PEX5L: variants seen among roughly 807,000 people sequenced by gnomAD.
PEX5L encodes peroxisomal biogenesis factor 5 like.
In PEX5L, 30 loss-of-function variants were observed where a neutral mutation model predicts 84.0. The ratio of observed to expected loss-of-function variants is 0.36; its 90% CI spans 0.27 to 0.48. The LOEUF is 0.48. Among genes scored for constraint, PEX5L ranks in the 20% least tolerant of loss-of-function variants. The pLI, the probability that PEX5L is intolerant of heterozygous loss-of-function variation, is 0.99. For synonymous variants in PEX5L, 270 were observed against 283.1 expected, an observed-to-expected ratio of 0.95 and a Z score of 0.46; for missense variants, 533 against 754.6, an observed-to-expected ratio of 0.71 and a Z score of 3.44.
chr3:180,036,528 C>G, intron 1 of PEX5L, 51 bp downstream of exon 1: 2 of 1,572,604 alleles, frequency 1.3e-6, no homozygotes, highest in Non-Finnish European at 1.8e-6. Flanking sequence ...AACCGCCTTG[C>G]TCTTAAATTA....
chr3:179,972,428 AAAGAT>A (rs1784999294), intron 1 of PEX5L, among the ~76,000 whole-genome samples: 1 of 152,156 alleles, frequency 6.6e-6, no homozygotes, highest in Admixed American at 6.5e-5. Flanking sequence ...GCTACAGCAG[AAAGAT>A]AATATGTCTG....
chr3:179,943,636 T>C lies in PEX5L; in HGVS notation c.93+27958A>G, dbSNP rs372820318. Among the ~76,000 whole-genome samples, 93 of 152,286 alleles carry C rather than the reference T, an allele frequency of 6.1e-4. No individual in the cohort carries two copies. The East Asian group carries it at 0.012, about 19-fold the overall frequency. ...CTGCATTCTGTGTGCAATGTTTTAT[T>C]CCACCACGTGGAGAATCACAATAAG... On this transcript the variant is annotated intron_variant, in intron 2 of 14. Transcript: ENST00000467460.
At chr3:179,966,836 C>T (rs1186749073) in intron 2 of PEX5L, among the ~76,000 whole-genome samples, 1 of 152,162 alleles carries the variant, frequency 6.6e-6, no homozygotes, top group Non-Finnish European at 1.5e-5. Flanking sequence ...GAAAATGAGA[C>T]TCTCAAAAAG....
intron 2 of PEX5L, 113 bp downstream of exon 2, chr3:179,971,481 G>T (rs1784724690): frequency 2.3e-6 from 3 of 1,319,572 alleles, no homozygotes; most frequent in Non-Finnish European, 2.9e-6. Flanking sequence ...TGTTATGCAG[G>T]CTTTAGTCAG....
At chr3:179,994,709 G>A (rs1787696487) in intron 1 of PEX5L, among the ~76,000 whole-genome samples, 2 of 152,156 alleles carry the variant, frequency 1.3e-5, no homozygotes, top group Non-Finnish European at 2.9e-5. Context: ...AGATTAACAT[G>A]TGAGTCAGTG....
At chr3:179,815,702 G>A (rs1388412603) in intron 10 of PEX5L, among the ~76,000 whole-genome samples, 159 bp downstream of exon 10, 1 of 152,172 alleles carries the variant, frequency 6.6e-6, no homozygotes, top group African/African-American at 2.4e-5. Flanking sequence ...GTTAGAAAAC[G>A]GGTACTTATT....
chr3:180,030,672 G>C (rs934304361), intron 1 of PEX5L, among the ~76,000 whole-genome samples: 2 of 152,112 alleles, frequency 1.3e-5, no homozygotes, highest in Admixed American at 6.6e-5. Context: ...TGACTCCCTA[G>C]GTAGATTTCT....
At chr3:180,030,780 T>G (rs966217402) in intron 1 of PEX5L, among the ~76,000 whole-genome samples, 1 of 152,194 alleles carries the variant, frequency 6.6e-6, no homozygotes, top group African/African-American at 2.4e-5. Context: ...ACATCAAGTC[T>G]CACTTGCAGG....
rs541414662 is a variant in PEX5L, at chr3:180,001,005, T to C, written c.22-29340A>G. The stretch of plus-strand genomic sequence containing the variant: ...GATCCTGGGTGTGTCTATGAGGGTG[T>C]TGCCAAAGGAGATTAACATTTGAGT... On this transcript the variant is annotated intron_variant, in intron 1 of 14. Coordinates refer to ENST00000467460, the MANE Select transcript of PEX5L (RefSeq NM_016559.3). 2.0e-5 allele frequency among the ~76,000 whole-genome samples: 3 copies of C among 152,198 alleles called. No individual in the cohort carries two copies. In the South Asian group the frequency reaches 6.2e-4, roughly 32 times the overall value.
intron 1 of PEX5L, among the ~76,000 whole-genome samples, chr3:180,033,099 T>C (rs1301938319): frequency 1.3e-5 from 2 of 152,212 alleles, no homozygotes; most frequent in African/African-American, 2.4e-5. Flanking sequence ...TAACTTAAAT[T>C]ACCTAAGCTA....
chr3:179,922,586 T>C (rs1398439977), intron 2 of PEX5L, among the ~76,000 whole-genome samples: 8 of 151,904 alleles, frequency 5.3e-5, no homozygotes, highest in Non-Finnish European at 8.8e-5. Flanking sequence ...GTAGCTGGGA[T>C]TACAGGCACG....
At chr3:179,975,694 T>A (rs1785694747) in intron 1 of PEX5L, among the ~76,000 whole-genome samples, 1 of 152,238 alleles carries the variant, frequency 6.6e-6, no homozygotes, top group African/African-American at 2.4e-5. Flanking sequence ...TTCATGGTTG[T>A]CAGGATTCAG....
chr3:179,903,252 G>A (rs1310701348), intron 2 of PEX5L, among the ~76,000 whole-genome samples: 1 of 151,798 alleles, frequency 6.6e-6, no homozygotes, highest in Non-Finnish European at 1.5e-5. Flanking sequence ...ACAGTGTCTC[G>A]CTCTGTCACC....
chr3:179,899,334 T>C (rs948921533), intron 2 of PEX5L, among the ~76,000 whole-genome samples: 1 of 152,148 alleles, frequency 6.6e-6, no homozygotes, highest in African/African-American at 2.4e-5. Flanking sequence ...AAAATAATTT[T>C]ATACTAAGAA....
intron 1 of PEX5L, among the ~76,000 whole-genome samples, chr3:180,023,218 G>A (rs1400457703): frequency 6.6e-6 from 1 of 152,160 alleles, no homozygotes; most frequent in Non-Finnish European, 1.5e-5. Context: ...TTATCAGCAT[G>A]ACAGAGATAA....
rs1746649625 is a variant in PEX5L at position 179,862,742 on chromosome 3, T to C, written c.727-3585A>G. Reference sequence around the variant, plus strand: ...GATCATGAATTGAAAGGATTAATATTGTTAAATTTCCCAAACACTCCCTAA... The same window carrying C: ...GATCATGAATTGAAAGGATTAATATCGTTAAATTTCCCAAACACTCCCTAA... On this transcript the variant is annotated intron_variant, in intron 7 of 14. Coordinates refer to ENST00000467460, the MANE Select transcript of PEX5L (RefSeq NM_016559.3). Among the ~76,000 whole-genome samples the C allele has an allele frequency of 2.6e-5, 4 of 152,146 alleles. No individual in the cohort carries two copies. The South Asian group carries it at 8.3e-4, about 32-fold the overall frequency.
intron 8 of PEX5L, among the ~76,000 whole-genome samples, chr3:179,840,478 C>T (rs371527043): frequency 2.7e-4 from 41 of 152,126 alleles, no homozygotes; most frequent in African/African-American, 8.9e-4. Context: ...TGTGACCCAC[C>T]GTGCCCAGCC....
intron 4 of PEX5L, among the ~76,000 whole-genome samples, chr3:179,882,800 C>T (rs1377605825): frequency 6.6e-6 from 1 of 152,046 alleles, no homozygotes; most frequent in Non-Finnish European, 1.5e-5. Context: ...TTAAGAGCAC[C>T]AACCGGTGAG....
chr3:179,959,259 C>T (rs1417590490), intron 2 of PEX5L, among the ~76,000 whole-genome samples: 1 of 152,084 alleles, frequency 6.6e-6, no homozygotes, highest in Non-Finnish European at 1.5e-5. Flanking sequence ...ACACGTGGAG[C>T]ACTGGAAAAC....
Sources: gnomAD v4.1 joint callset for allele counts (sites outside exome capture counted in the v4.1 genomes callset) on GRCh38, gnomAD v4.1.1 for gene constraint, MANE v1.5 for transcripts, NCBI Gene and HGNC (gene_info 2026-07-23, HGNC 2026-07-21) for gene names.